CSNK1E: variants seen among roughly 807,000 people sequenced by gnomAD.
CSNK1E encodes casein kinase 1 epsilon.
Under a neutral mutation model 46.1 loss-of-function variants are expected in CSNK1E, and 17 were observed. The ratio of observed to expected loss-of-function variants is 0.37; its 90% confidence interval spans 0.25 to 0.55. The LOEUF (loss-of-function observed/expected upper bound fraction) is 0.55. Among genes scored for constraint, CSNK1E ranks in the 20% least tolerant of loss-of-function variants. CSNK1E has a pLI of 0.82. For synonymous variants in CSNK1E, 241 were observed against 242.6 expected, an observed-to-expected ratio of 0.99 and a Z score of 0.06; for missense variants, 386 against 595.4, an observed-to-expected ratio of 0.65 and a Z score of 3.66.
At position 38,302,850 on chromosome 22, in the gene CSNK1E, CGG is replaced by C; in HGVS notation, c.336+9_336+10del. 1 of 1,613,630 alleles carries C rather than the reference CGG, an allele frequency of 6.2e-7. No individual in the cohort carries two copies. Among genetic ancestry groups the C allele is most frequent in the Non-Finnish European group, 8.5e-7 (1 of 1,179,800 alleles). On this transcript the variant is annotated intron_variant, in intron 4 of 10. Coordinates refer to ENST00000396832, the MANE Select transcript of CSNK1E (RefSeq NM_152221.3). Reference sequence around the variant, plus strand: ...GGCATCTGGCTGGGGATGGAGGGGACGGGGACTCACCATCTGGTCGGCCAAGA... The same window carrying C: ...GGCATCTGGCTGGGGATGGAGGGGACGGACTCACCATCTGGTCGGCCAAGA...
At chr22:38,311,385 G>A (rs2092720285) in intron 2 of CSNK1E, among the ~76,000 whole-genome samples, 1 of 152,212 alleles carries the variant, frequency 6.6e-6, no homozygotes, top group Non-Finnish European at 1.5e-5. Flanking sequence ...AGATGACTAT[G>A]CAGATAAACA....
chr22:38,296,534 G>T (rs752120037), intron 7 of CSNK1E: 2 of 1,608,594 alleles, frequency 1.2e-6, no homozygotes, highest in Non-Finnish European at 1.7e-6. Context: ...AGGTGGTTCA[G>T]CTCACTACAG....
chr22:38,302,296 A>G (rs927295584), intron 4 of CSNK1E, among the ~76,000 whole-genome samples: 27 of 152,206 alleles, frequency 1.8e-4, no homozygotes, highest in Non-Finnish European at 3.2e-4. Flanking sequence ...GCTCAAGGCC[A>G]GGAGTTTGAG....
chr22:38,314,938 T>G (rs963866263), intron 1 of CSNK1E, among the ~76,000 whole-genome samples: 1 of 152,160 alleles, frequency 6.6e-6, no homozygotes, highest in Non-Finnish European at 1.5e-5. Context: ...CCGGACACCC[T>G]GTTCCTGGTC....
rs1432914522 is a variant in CSNK1E, at chr22:38,294,757, G to A, written c.886-223C>T. On this transcript the variant is annotated intron_variant, in intron 7 of 10. Transcript: ENST00000396832. This position sits in a 1 kb window ranked among gnomAD's most constrained non-coding sequence, Gnocchi z 5.5. ...AGGAAGGAGAAAGCAGGAGTCTGGG[G>A]GCAGAGGGAGGTCAGTCTGCCCTGC... is the stretch of plus-strand genomic sequence containing the variant. Among the ~76,000 whole-genome samples the A allele has an allele frequency of 2.6e-5, 4 of 152,292 alleles. No individual in the cohort carries two copies. The East Asian group carries it at 7.7e-4, about 29-fold the overall frequency.
At chr22:38,306,591 C>T (rs2092699602) in intron 2 of CSNK1E, among the ~76,000 whole-genome samples, 1 of 152,132 alleles carries the variant, frequency 6.6e-6, no homozygotes, top group Non-Finnish European at 1.5e-5. Flanking sequence ...ATTAGCTGGG[C>T]GTAGTGGCGC....
intron 2 of CSNK1E, among the ~76,000 whole-genome samples, chr22:38,310,873 G>A (rs2092717866): frequency 6.6e-6 from 1 of 152,216 alleles, no homozygotes. Flanking sequence ...AGAGCACTGG[G>A]GATAAGAATG....
intron 4 of CSNK1E, among the ~76,000 whole-genome samples, chr22:38,302,213 C>A (rs1168779635): frequency 2.0e-5 from 3 of 149,548 alleles, no homozygotes; most frequent in Non-Finnish European, 4.4e-5. Context: ...TTACCCAGGG[C>A]AGGCCAGACG....
chr22:38,294,070 G>GAA lies in CSNK1E; in HGVS notation c.1218+38_1218+39insTT, dbSNP rs777620212. 1.3e-4 allele frequency: 200 copies of GAA among 1,597,012 alleles called. No homozygotes were observed. Among genetic ancestry groups the GAA allele is most frequent in the Non-Finnish European group, 1.7e-4 (197 of 1,175,040 alleles). On this transcript the variant is annotated intron_variant, in intron 9 of 10. Transcript: ENST00000396832. The surrounding 1 kb of genome is among the most constrained non-coding windows in gnomAD (Gnocchi z 5.5). ...CTCCCACTGGGGGGTCTCTAACTCA[G>GAA]TTCTGAGGCCCAGAGGGACTGGCAG... is the stretch of plus-strand genomic sequence containing the variant.
intron 6 of CSNK1E, 89 bp from the exon 7 acceptor site, chr22:38,299,023 G>T: frequency 1.4e-6 from 2 of 1,429,868 alleles, no homozygotes; most frequent in Non-Finnish European, 9.8e-7. Context: ...GCCACCCACT[G>T]TCCCTAGATA....
intron 2 of CSNK1E, among the ~76,000 whole-genome samples, chr22:38,308,645 C>T (rs1032452643): frequency 4.6e-5 from 7 of 152,084 alleles, no homozygotes; most frequent in African/African-American, 1.2e-4. Flanking sequence ...CCATGATGTT[C>T]GGCTTGGTGG....
At position 38,298,468 on chromosome 22, in the gene CSNK1E, A is replaced by T; in HGVS notation, c.885+318T>A. ...GGAGCAGCAGGACGGTGTAGGCAGC[A>T]ATCAGGGCAGCAGGGGGCGCCGCCA... On this transcript the variant is annotated intron_variant, in intron 7 of 10. Coordinates refer to ENST00000396832, the MANE Select transcript of CSNK1E (RefSeq NM_152221.3). This position sits in a 1 kb window ranked among gnomAD's most constrained non-coding sequence, Gnocchi z 4.2. The T allele has an allele frequency of 2.5e-6, 1 of 393,488 alleles. No homozygotes were observed. The highest frequency in any genetic ancestry group is 6.1e-5 in the East Asian group (1 of 16,354). The allele number at this position is 393,488 out of a possible 1,614,324, so 24.4% of individuals were successfully genotyped here. A position where few individuals can be genotyped will look rare whatever the true frequency, so the allele number is the denominator to read the frequency against.
chr22:38,305,469 A>AAAAAGAT (rs2092694554), intron 2 of CSNK1E, among the ~76,000 whole-genome samples: 1 of 151,722 alleles, frequency 6.6e-6, no homozygotes, highest in Non-Finnish European at 1.5e-5. Context: ...TCTCCAAAAA[A>AAAAAGAT]AAAAGAATCC....
Position 38,296,495 on chromosome 22 carries a change from T to A in CSNK1E, c.886-1961A>T. ...GGGTGAAGGTTCCCATTGCATGTTT[T>A]CCAGGTGCTTCTGCCAGGGGACTGC... On this transcript the variant is annotated intron_variant, in intron 7 of 10. Coordinates refer to ENST00000396832, the MANE Select transcript of CSNK1E (RefSeq NM_152221.3). The A allele has an allele frequency of 7.0e-6, 11 of 1,576,844 alleles. No individual in the cohort carries two copies. In the South Asian group the frequency reaches 1.2e-4, roughly 17 times the overall value.
At position 38,298,810 on chromosome 22, in the gene CSNK1E, G is replaced by A. The variant is rs1198412102; in HGVS notation, c.861C>T (p.Val287=). The A allele has an allele frequency of 6.2e-7, 1 of 1,614,078 alleles. No homozygotes were observed. Among genetic ancestry groups the A allele is most frequent in the African/African-American group, 1.3e-5 (1 of 74,950 alleles). ...CGAATTTCAGCATGTTCCAGTCAAAGACGTAGTCATAGGAGAAGCCCTGCC... is the reference window on the plus strand; with the variant it reads ...CGAATTTCAGCATGTTCCAGTCAAAAACGTAGTCATAGGAGAAGCCCTGCC... ...FHRQGFSYDY[V]FDWNMLKFGA... is the part of the protein sequence containing the mutation. Residue 287 remains valine (V), a synonymous_variant, in exon 7 of 11, where the codon GTC becomes GTT. Coordinates refer to ENST00000396832, the MANE Select transcript of CSNK1E (RefSeq NM_152221.3). This position sits in a 1 kb window ranked among gnomAD's most constrained non-coding sequence, Gnocchi z 4.2.
rs898254304 is a variant in CSNK1E at position 38,296,663 on chromosome 22, A to C, written c.885+2123T>G. 5 of 1,612,728 alleles carry C rather than the reference A, an allele frequency of 3.1e-6. No individual in the cohort carries two copies. The African/African-American group carries it at 6.7e-5, about 22-fold the overall frequency. ...CCAGGAAGGCGGTCAGACCAGCAGCAGTGGGTGGAGAGGTGCTCCTGGCCT... is the reference window on the plus strand; with the variant it reads ...CCAGGAAGGCGGTCAGACCAGCAGCCGTGGGTGGAGAGGTGCTCCTGGCCT... On this transcript the variant is annotated intron_variant, in intron 7 of 10. Transcript: ENST00000396832.
rs1022876437 is a variant in CSNK1E at position 38,315,661 on chromosome 22, C to CG, written c.-12-1493_-12-1492insC. ...AGGGGGGGTGTGCACGCAACCCCCC[C>CG]CCAACACCTCAGTCCACTTTCTGCC... On this transcript the variant is annotated intron_variant, in intron 1 of 10. Transcript: ENST00000396832. Among the ~76,000 whole-genome samples, 10 of 151,386 alleles carry CG rather than the reference C, an allele frequency of 6.6e-5. 1 individual carries two copies. In the South Asian group the frequency reaches 1.5e-3, roughly 22 times the overall value.
At chr22:38,304,751 T>A (rs1381314043) in intron 2 of CSNK1E, among the ~76,000 whole-genome samples, 4 of 152,074 alleles carry the variant, frequency 2.6e-5, no homozygotes, top group Non-Finnish European at 5.9e-5. Flanking sequence ...ATGCAGTGCC[T>A]CCATGCGGCG....
At chr22:38,313,975 C>G in intron 2 of CSNK1E, 107 bp downstream of exon 2, 1 of 1,048,922 alleles carries the variant, frequency 9.5e-7, no homozygotes, top group East Asian at 2.4e-5. Context: ...GCAAATCATG[C>G]CCCTGGAGCC....
Sources: allele counts gnomAD v4.1 joint callset (sites outside exome capture counted in the v4.1 genomes callset), GRCh38; gene constraint gnomAD v4.1.1; non-coding constraint Gnocchi (gnomAD v3.1); transcripts MANE v1.5; gene names NCBI Gene and HGNC (gene_info 2026-07-23, HGNC 2026-07-21).